The following ABTB3 variants were observed in gnomAD, a reference collection of about 807,000 sequenced individuals.
The protein encoded by ABTB3 is ankyrin repeat- and BTB/POZ domain-containing protein 3.
At chr12:107,512,967 GT>G in the ABTB3 span, among the ~76,000 whole-genome samples, 1 of 152,210 alleles carries the variant, frequency 6.6e-6, no homozygotes, top group African/African-American at 2.4e-5. Flanking sequence ...TACACAAGTA[GT>G]AAGTAAAGCA....
the ABTB3 span, among the ~76,000 whole-genome samples, chr12:107,550,065 G>T: frequency 6.6e-6 from 1 of 152,158 alleles, no homozygotes. Flanking sequence ...ATACTGTCCT[G>T]CTGGGCCCAG....
the ABTB3 span, among the ~76,000 whole-genome samples, chr12:107,623,819 C>T: frequency 2.7e-3 from 407 of 152,156 alleles, 8 homozygotes; most frequent in East Asian, 0.044. Flanking sequence ...AATAAATAAA[C>T]GAAACAGAGT....
At chr12:107,500,408 C>G in the ABTB3 span, among the ~76,000 whole-genome samples, 13 of 152,256 alleles carry the variant, frequency 8.5e-5, no homozygotes, top group Non-Finnish European at 1.3e-4. Flanking sequence ...TCCAGGCAAC[C>G]AAGATAGGCT....
the ABTB3 span, chr12:107,650,518 G>A: frequency 2.0e-5 from 3 of 152,186 alleles, no homozygotes; most frequent in South Asian, 2.1e-4. Context: ...ACAAAAGTGC[G>A]CTGGTGTTTA....
the ABTB3 span, among the ~76,000 whole-genome samples, chr12:107,489,518 C>T: frequency 6.6e-6 from 1 of 151,774 alleles, no homozygotes; most frequent in Non-Finnish European, 1.5e-5. Flanking sequence ...AACTCCATCT[C>T]ACAAAAACAA....
At chr12:107,453,059 G>A in the ABTB3 span, among the ~76,000 whole-genome samples, 2 of 152,176 alleles carry the variant, frequency 1.3e-5, no homozygotes, top group African/African-American at 4.8e-5. Flanking sequence ...GGTCAGCTAT[G>A]GAACAGCAGA....
chr12:107,600,686 C>T, the ABTB3 span, among the ~76,000 whole-genome samples: 2 of 152,262 alleles, frequency 1.3e-5, no homozygotes, highest in African/African-American at 4.8e-5. Flanking sequence ...TCTCACACAG[C>T]TCCCCAGGCA....
At chr12:107,631,798 A>G in the ABTB3 span, among the ~76,000 whole-genome samples, 1 of 152,278 alleles carries the variant, frequency 6.6e-6, no homozygotes, top group East Asian at 1.9e-4. Flanking sequence ...AAGACACCTT[A>G]TCAAGGGCAC....
At chr12:107,401,747 T>G in the ABTB3 span, among the ~76,000 whole-genome samples, 1 of 152,186 alleles carries the variant, frequency 6.6e-6, no homozygotes, top group Non-Finnish European at 1.5e-5. Context: ...AATTCCTGAC[T>G]GACGAAATTC....
At chr12:107,621,775 C>T in the ABTB3 span, among the ~76,000 whole-genome samples, 1 of 152,214 alleles carries the variant, frequency 6.6e-6, no homozygotes, top group Non-Finnish European at 1.5e-5. Context: ...ACATCTAACA[C>T]CACACTTTGT....
chr12:107,444,391 A>G, the ABTB3 span, among the ~76,000 whole-genome samples: 1 of 152,196 alleles, frequency 6.6e-6, no homozygotes, highest in Non-Finnish European at 1.5e-5. Context: ...TGTTAGGGAC[A>G]CTGGCCTGTT....
chr12:107,402,230 C>T, the ABTB3 span, among the ~76,000 whole-genome samples: 1 of 152,138 alleles, frequency 6.6e-6, no homozygotes, highest in South Asian at 2.1e-4. Context: ...TACACAAAGC[C>T]ACACAATTTT....
At chr12:107,526,753 C>G in the ABTB3 span, among the ~76,000 whole-genome samples, 16,464 of 152,180 alleles carry the variant, frequency 0.11, 953 homozygotes, top group African/African-American at 0.14. Context: ...TAATTTACAA[C>G]TGTATAAAAA....
chr12:107,388,068 G>A, the ABTB3 span, among the ~76,000 whole-genome samples: 1 of 149,880 alleles, frequency 6.7e-6, no homozygotes, highest in Non-Finnish European at 1.5e-5. Flanking sequence ...TGCCTCTCAG[G>A]TTCAAGTGAT....
the ABTB3 span, among the ~76,000 whole-genome samples, chr12:107,333,680 G>T: frequency 6.6e-6 from 1 of 152,156 alleles, no homozygotes; most frequent in Non-Finnish European, 1.5e-5. Flanking sequence ...TATTTATCGA[G>T]AGCCTACTAT....
At chr12:107,463,165 G>A in the ABTB3 span, among the ~76,000 whole-genome samples, 4 of 151,018 alleles carry the variant, frequency 2.6e-5, no homozygotes, top group Non-Finnish European at 5.9e-5. Flanking sequence ...CAATGATGAG[G>A]GTGGTGGTGG....
chr12:107,643,272 C>T, the ABTB3 span, among the ~76,000 whole-genome samples: 4 of 151,834 alleles, frequency 2.6e-5, no homozygotes, highest in South Asian at 8.3e-4. Context: ...GGCGTGGTCA[C>T]ACACACCTGT....
chr12:107,331,760 C>T, the ABTB3 span, among the ~76,000 whole-genome samples: 1 of 152,204 alleles, frequency 6.6e-6, no homozygotes, highest in Admixed American at 6.5e-5. Context: ...CAATCTCCTT[C>T]CCTTTGGAAG....
At chr12:107,597,686 A>G in the ABTB3 span, among the ~76,000 whole-genome samples, 1 of 152,220 alleles carries the variant, frequency 6.6e-6, no homozygotes, top group Non-Finnish European at 1.5e-5. Flanking sequence ...CAGCTGCCAT[A>G]ACAGAGTGAT....
Sources: allele counts gnomAD v4.1 joint callset (sites outside exome capture counted in the v4.1 genomes callset), GRCh38; gene constraint gnomAD v4.1.1; transcripts MANE v1.5; gene names NCBI Gene and HGNC (gene_info 2026-07-23, HGNC 2026-07-21).